The following TLE3 variants were observed in gnomAD, a reference collection of about 807,000 sequenced individuals.
TLE3 encodes the protein TLE family member 3, transcriptional corepressor, also known as transducin-like enhancer protein 3.
In TLE3, 14 loss-of-function variants were observed where a neutral mutation model predicts 93.0. The observed-to-expected ratio is 0.15, with a 90% CI of 0.10 to 0.24. TLE3 has a LOEUF of 0.24. TLE3 is among the 10% of genes least tolerant of loss of function. The pLI is 1.00. For missense variants in TLE3, 693 were observed against 1,046.6 expected, an observed-to-expected ratio of 0.66 and a Z score of 4.66; for synonymous variants, 451 against 425.0, an observed-to-expected ratio of 1.06 and a Z score of -0.75.
rs2056242379 is a variant in TLE3, at chr15:70,058,530, G to A, written c.918+133C>T. 1 of 1,363,330 alleles carries A rather than the reference G, an allele frequency of 7.3e-7. No homozygotes were observed. The highest frequency in any genetic ancestry group is 2.5e-5 in the East Asian group (1 of 39,632). 84.5% of individuals were successfully genotyped at this position (1,363,330 alleles called of 1,614,324 possible). The stretch of plus-strand genomic sequence containing the variant: ...TAACTCATTAGCACAGGCCCAGCAG[G>A]CACAGAAGGTAAACCGGGGCCAATC... On this transcript the variant is annotated intron_variant, in intron 11 of 19. Coordinates refer to ENST00000451782, the MANE Select transcript of TLE3 (RefSeq NM_001105192.3). This position sits in a 1 kb window ranked among gnomAD's most constrained non-coding sequence, Gnocchi z 4.1.
At chr15:70,096,457 T>A in intron 1 of TLE3, 196 bp from the exon 2 acceptor site, 1 of 1,169,890 alleles carries the variant, frequency 8.5e-7, no homozygotes, top group Non-Finnish European at 1.2e-6. Flanking sequence ...GGGGCTCCCA[T>A]GCCTTTCACC....
At chr15:70,086,525 T>G (rs2058043979) in intron 4 of TLE3, among the ~76,000 whole-genome samples, 1 of 152,138 alleles carries the variant, frequency 6.6e-6, no homozygotes, top group Non-Finnish European at 1.5e-5. Context: ...GTACCCAAAT[T>G]GCATTTGGTA....
chr15:70,069,853 C>CA (rs1450197270), intron 6 of TLE3, among the ~76,000 whole-genome samples: 1 of 152,282 alleles, frequency 6.6e-6, no homozygotes, highest in Non-Finnish European at 1.5e-5. Flanking sequence ...AGCACCTCTG[C>CA]AGGCAGGCGG....
Position 70,058,628 on chromosome 15 carries a change from C to T in TLE3, c.918+35G>A, listed in dbSNP as rs544620034. ...CACCCCAGCTCCAGTCCCTGCCGCT[C>T]CCTTCCCACTCCCTTCCACCCAGAC... On this transcript the variant is annotated intron_variant, in intron 11 of 19. Transcript: ENST00000451782. The surrounding 1 kb of genome is among the most constrained non-coding windows in gnomAD (Gnocchi z 4.1). The T allele has an allele frequency of 1.3e-6, 2 of 1,551,664 alleles. No individual in the cohort carries two copies. The highest frequency in any genetic ancestry group is 2.4e-5 in the East Asian group (1 of 41,790).
rs563235000 is a variant in TLE3 at position 70,087,151 on chromosome 15, T to C, written c.234+7381A>G. On this transcript the variant is annotated intron_variant, in intron 4 of 19. Transcript: ENST00000451782. The stretch of plus-strand genomic sequence containing the variant: ...CAAAATGCACACTGTGTATCCAGTA[T>C]GGGCCAGGCACTGCTCAGGGTTCAG... Among the ~76,000 whole-genome samples the C allele has an allele frequency of 1.2e-4, 18 of 152,296 alleles. 1 individual carries two copies. The South Asian group carries it at 3.5e-3, about 30-fold the overall frequency.
intron 5 of TLE3, 139 bp downstream of exon 5, chr15:70,075,957 C>G (rs1376181600): frequency 1.7e-5 from 13 of 752,428 alleles, no homozygotes; most frequent in Non-Finnish European, 2.7e-5. Context: ...CTGGAAATCT[C>G]CAGGTTGTCA....
Position 70,055,254 on chromosome 15 carries a change from A to T in TLE3, c.1373T>A (p.Val458Glu). 1 of 1,608,120 alleles carries T rather than the reference A, an allele frequency of 6.2e-7. No homozygotes were observed. The highest frequency in any genetic ancestry group is 2.2e-5 in the East Asian group (1 of 44,838). ...HVSADGQMQP[V>E]PFPHDALAGP... is the part of the protein sequence containing the mutation. Reference sequence around the variant, plus strand: ...TGCCAGGGCGTCGTGGGGGAAGGGCACGGGCTGCATCTGCCCATCAGCACT... The same window carrying T: ...TGCCAGGGCGTCGTGGGGGAAGGGCTCGGGCTGCATCTGCCCATCAGCACT... Residue 458 changes from valine to glutamate, a missense_variant, in exon 15 of 20, where the codon GTG becomes GAG. Val to Glu is a moderately radical substitution (Grantham distance 121). Transcript: ENST00000451782.
intron 4 of TLE3, among the ~76,000 whole-genome samples, chr15:70,077,040 A>G (rs757870266): frequency 9.9e-5 from 15 of 152,170 alleles, no homozygotes; most frequent in Non-Finnish European, 1.9e-4. Flanking sequence ...TTTAGGATAT[A>G]GCATTGCCTT....
At chr15:70,078,973 C>T (rs930758057) in intron 4 of TLE3, among the ~76,000 whole-genome samples, 1 of 152,190 alleles carries the variant, frequency 6.6e-6, no homozygotes, top group Non-Finnish European at 1.5e-5. Flanking sequence ...CTTCCCCACA[C>T]CCTTCAGCAA....
chr15:70,087,084 G>A (rs764560260), intron 4 of TLE3, among the ~76,000 whole-genome samples: 2 of 152,302 alleles, frequency 1.3e-5, no homozygotes, highest in Non-Finnish European at 2.9e-5. Flanking sequence ...GGGTCAGAGA[G>A]AACCCTGAGC....
Position 70,096,866 on chromosome 15 carries a change from A to AGGGGGGGGGGT in TLE3, c.-69_-68insACCCCCCCCCC. The AGGGGGGGGGGT allele has an allele frequency of 7.0e-7, 1 of 1,427,090 alleles. No individual in the cohort carries two copies. The highest frequency in any genetic ancestry group is 9.7e-7 in the Non-Finnish European group (1 of 1,032,536). The allele number at this position is 1,427,090 out of a possible 1,614,324, so 88.4% of individuals were successfully genotyped here. A position where few individuals can be genotyped will look rare whatever the true frequency, so the allele number is the denominator to read the frequency against. Reference sequence around the variant, plus strand: ...AGCCCGGGCCGGGGAGGTGCGGGGGAGGGGGGAGCCGAGCCCGAGCGGGGG... The same window carrying AGGGGGGGGGGT: ...AGCCCGGGCCGGGGAGGTGCGGGGGAGGGGGGGGGGTGGGGGGAGCCGAGCCCGAGCGGGGG... On this transcript the variant is annotated 5_prime_UTR_variant, in exon 1 of 20. Coordinates refer to ENST00000451782, the MANE Select transcript of TLE3 (RefSeq NM_001105192.3).
intron 6 of TLE3, among the ~76,000 whole-genome samples, chr15:70,074,259 A>G (rs1025839641): frequency 9.9e-5 from 15 of 152,196 alleles, no homozygotes; most frequent in Non-Finnish European, 1.6e-4. Context: ...TGGCAAGGAC[A>G]CCAAAAGCCA....
At chr15:70,082,621 G>A (rs9646211) in intron 4 of TLE3, among the ~76,000 whole-genome samples, 31,663 of 152,142 alleles carry the variant, frequency 0.21, 3,828 homozygotes, top group East Asian at 0.54. Context: ...TATGCCCTCC[G>A]AGGAAGCCTG....
chr15:70,067,265 A>G (rs1022382549), intron 6 of TLE3, among the ~76,000 whole-genome samples: 1 of 152,226 alleles, frequency 6.6e-6, no homozygotes, highest in African/African-American at 2.4e-5. Context: ...CTACTGAAAG[A>G]GAAGTTAGGT....
intron 4 of TLE3, chr15:70,079,242 C>T (rs755768663): frequency 8.0e-6 from 3 of 376,682 alleles, no homozygotes; most frequent in Admixed American, 9.2e-5. Flanking sequence ...AGATGCAGAA[C>T]CTTCCACAAG....
intron 4 of TLE3, among the ~76,000 whole-genome samples, chr15:70,080,405 G>T (rs1455274038): frequency 6.6e-6 from 1 of 152,118 alleles, no homozygotes; most frequent in Admixed American, 6.5e-5. Context: ...GCGCTTTGTT[G>T]GTGGAAAAAC....
chr15:70,087,839 C>T (rs528493815), intron 4 of TLE3, among the ~76,000 whole-genome samples: 28 of 152,302 alleles, frequency 1.8e-4, no homozygotes, highest in Admixed American at 3.9e-4. Flanking sequence ...ATAATGAAGT[C>T]GGCTGGTGTG....
Position 70,055,900 on chromosome 15 carries a change from G to T in TLE3, c.1328+398C>A, listed in dbSNP as rs1015233656. On this transcript the variant is annotated intron_variant, in intron 14 of 19. Coordinates refer to ENST00000451782, the MANE Select transcript of TLE3 (RefSeq NM_001105192.3). Reference sequence around the variant, plus strand: ...GGGCCGGGGAGAGTGTGCCCTCCAGGGGAGGGAAGCACTGCTGACAGGGAA... The same window carrying T: ...GGGCCGGGGAGAGTGTGCCCTCCAGTGGAGGGAAGCACTGCTGACAGGGAA... 8.9e-6 allele frequency: 3 copies of T among 335,322 alleles called. 1 individual carries two copies. The highest frequency in any genetic ancestry group is 8.4e-5 in the South Asian group (3 of 35,736). The allele number at this position is 335,322 out of a possible 1,614,324, so 20.8% of individuals were successfully genotyped here.
At chr15:70,075,765 C>T (rs2057411545) in intron 5 of TLE3, among the ~76,000 whole-genome samples, 1 of 152,252 alleles carries the variant, frequency 6.6e-6, no homozygotes, top group African/African-American at 2.4e-5. Context: ...CTGAGGTCCA[C>T]TTTGGGCTGG....
Sources: gnomAD v4.1 joint callset for allele counts (sites outside exome capture counted in the v4.1 genomes callset) on GRCh38, gnomAD v4.1.1 for gene constraint, Gnocchi (gnomAD v3.1) non-coding constraint, MANE v1.5 for transcripts, NCBI Gene and HGNC (gene_info 2026-07-23, HGNC 2026-07-21) for gene names.